Variants in MACROD2 observed in about 807,000 individuals in gnomAD.
MACROD2 encodes mono-ADP ribosylhydrolase 2.
Under a neutral mutation model 70.4 loss-of-function variants are expected in MACROD2, and 36 were observed. The ratio of observed to expected loss-of-function variants is 0.51; its 90% confidence interval spans 0.39 to 0.68. The LOEUF (loss-of-function observed/expected upper bound fraction) is 0.68, where lower values mean the gene tolerates loss of function less well. Ranked by LOEUF, MACROD2 falls within the 30% of genes least tolerant of loss-of-function variation. MACROD2 has a pLI of 0.00. For missense variants in MACROD2, 496 were observed against 538.4 expected (o/e 0.92, Z 0.78); for synonymous variants, 172 against 178.8 (o/e 0.96, Z 0.30).
At chr20:14,718,824 T>C in intron 5 of MACROD2, among the ~76,000 whole-genome samples, 1 of 152,238 alleles carries the variant, frequency 6.6e-6, no homozygotes, top group East Asian at 1.9e-4. Flanking sequence ...TAATGTAGTA[T>C]GTTTCTTTTA....
At chr20:14,965,080 G>A (rs1322118389) in intron 5 of MACROD2, among the ~76,000 whole-genome samples, 1 of 152,140 alleles carries the variant, frequency 6.6e-6, no homozygotes, top group Non-Finnish European at 1.5e-5. Flanking sequence ...TGATGAACCT[G>A]TTTTCATGTG....
chr20:14,567,007 CTA>C (rs1449733616), intron 4 of MACROD2: 1 of 151,678 alleles, frequency 6.6e-6, no homozygotes, highest in Admixed American at 6.6e-5. Context: ...AGTGCAGTGA[CTA>C]TTTATAAGCA....
intron 8 of MACROD2, among the ~76,000 whole-genome samples, chr20:15,609,900 G>A (rs2048944007): frequency 6.6e-6 from 1 of 152,134 alleles, no homozygotes; most frequent in Non-Finnish European, 1.5e-5. Flanking sequence ...CAACTCACAG[G>A]CAGGAAGTCC....
At chr20:15,813,251 A>G (rs2063838707) in intron 8 of MACROD2, among the ~76,000 whole-genome samples, 1 of 152,206 alleles carries the variant, frequency 6.6e-6, no homozygotes, top group African/African-American at 2.4e-5. Context: ...CCATGACTTC[A>G]TCTGAAATTC....
chr20:15,403,430 G>GGAGGAGGAGGAC lies in MACROD2; in HGVS notation c.541-27963_541-27952dup, dbSNP rs1450307604. On this transcript the variant is annotated intron_variant, in intron 6 of 17. Coordinates refer to ENST00000684519, the MANE Select transcript of MACROD2 (RefSeq NM_001351661.2). Reference sequence around the variant, plus strand: ...AGAGAGAGAAAGAGAAGAAGAAGGAGGAGGAGGAGGACGAGGAGGAGGAGG... The same window carrying GGAGGAGGAGGAC: ...AGAGAGAGAAAGAGAAGAAGAAGGAGGAGGAGGAGGACGAGGAGGAGGACGAGGAGGAGGAGG... Among the ~76,000 whole-genome samples the GGAGGAGGAGGAC allele has an allele frequency of 4.3e-3, 590 of 136,378 alleles. 5 individuals carry two copies. The highest frequency in any genetic ancestry group is 0.015 in the African/African-American group (570 of 37,250). The allele number at this position is 136,378 out of a possible 152,430, so 89.5% of individuals were successfully genotyped here.
chr20:15,314,878 C>A (rs1438764098), intron 6 of MACROD2, among the ~76,000 whole-genome samples: 1 of 152,188 alleles, frequency 6.6e-6, no homozygotes, highest in Non-Finnish European at 1.5e-5. Context: ...ACACCCAGTG[C>A]AGGACACCTG....
Position 15,556,164 on chromosome 20 carries a change from G to A in MACROD2, c.645+56317G>A, listed in dbSNP as rs187951749. Reference sequence around the variant, plus strand: ...CTCTTTGAGGCATGTCACAAAAACAGCCATTCTGGGAACACTGTAAACAGT... The same window carrying A: ...CTCTTTGAGGCATGTCACAAAAACAACCATTCTGGGAACACTGTAAACAGT... On this transcript the variant is annotated intron_variant, in intron 8 of 17. Transcript: ENST00000684519. Among the ~76,000 whole-genome samples the A allele has an allele frequency of 2.2e-3, 332 of 152,292 alleles. 4 individuals carry two copies. The highest frequency in any genetic ancestry group is 7.5e-3 in the African/African-American group (313 of 41,564).
At chr20:15,314,309 G>C (rs6043201) in intron 6 of MACROD2, among the ~76,000 whole-genome samples, 3 of 152,034 alleles carry the variant, frequency 2.0e-5, no homozygotes, top group African/African-American at 7.2e-5. Context: ...AAAAATGAGC[G>C]GACAGGCACA....
chr20:14,258,528 T>C (rs530359376), intron 3 of MACROD2, among the ~76,000 whole-genome samples: 8 of 152,338 alleles, frequency 5.3e-5, no homozygotes, highest in African/African-American at 1.9e-4. Flanking sequence ...TTGAGAATTG[T>C]CTATTCATAT....
At chr20:14,149,956 T>C (rs929988727) in intron 3 of MACROD2, among the ~76,000 whole-genome samples, 3 of 152,168 alleles carry the variant, frequency 2.0e-5, no homozygotes, top group African/African-American at 7.2e-5. Flanking sequence ...TCTCCTTACA[T>C]TGTATTTCTG....
chr20:15,586,044 C>T, intron 8 of MACROD2, among the ~76,000 whole-genome samples: 1 of 152,156 alleles, frequency 6.6e-6, no homozygotes, highest in East Asian at 1.9e-4. Context: ...CTCCTAGCCA[C>T]CCTCCAGCTG....
At chr20:14,562,531 C>T (rs559420083) in intron 4 of MACROD2, among the ~76,000 whole-genome samples, 127 of 151,706 alleles carry the variant, frequency 8.4e-4, no homozygotes, top group Non-Finnish European at 1.7e-3. Flanking sequence ...GCACCCACAA[C>T]ACATTTGTCA....
intron 15 of MACROD2, among the ~76,000 whole-genome samples, chr20:15,996,235 G>T (rs747878594): frequency 6.6e-6 from 1 of 151,834 alleles, no homozygotes; most frequent in Non-Finnish European, 1.5e-5. Flanking sequence ...TTGTGATTTT[G>T]ATTTCCAATT....
intron 5 of MACROD2, among the ~76,000 whole-genome samples, chr20:14,939,700 A>T (rs1280470063): frequency 3.3e-5 from 5 of 152,046 alleles, no homozygotes; most frequent in Admixed American, 2.0e-4. Context: ...TTTTAGCTAT[A>T]TTAATTCTTC....
At chr20:14,957,721 G>GT (rs1202436404) in intron 5 of MACROD2, among the ~76,000 whole-genome samples, 3 of 152,136 alleles carry the variant, frequency 2.0e-5, no homozygotes, top group Admixed American at 1.3e-4. Flanking sequence ...CAGAACCAGT[G>GT]TGTAGCACTT....
intron 8 of MACROD2, among the ~76,000 whole-genome samples, chr20:15,854,301 G>T (rs778521112): frequency 6.6e-6 from 1 of 152,112 alleles, no homozygotes; most frequent in Non-Finnish European, 1.5e-5. Flanking sequence ...AAGAGCGCTC[G>T]TGTCCTGAAC....
chr20:15,650,485 A>G (rs1316378536), intron 8 of MACROD2, among the ~76,000 whole-genome samples: 2 of 152,308 alleles, frequency 1.3e-5, no homozygotes, highest in East Asian at 3.9e-4. Context: ...TGGCAAACAC[A>G]CATACAGCAA....
chr20:14,042,500 A>G (rs1003243754), intron 2 of MACROD2, among the ~76,000 whole-genome samples: 2 of 151,928 alleles, frequency 1.3e-5, no homozygotes, highest in African/African-American at 2.4e-5. Context: ...CTCCAATTCA[A>G]TTCTTTTCTT....
chr20:14,746,921 C>T (rs1165679504), intron 5 of MACROD2, among the ~76,000 whole-genome samples: 2 of 152,138 alleles, frequency 1.3e-5, no homozygotes, highest in East Asian at 3.9e-4. Flanking sequence ...AGTCCCTCAT[C>T]TTACAAACCA....
Sources: allele counts gnomAD v4.1 joint callset (sites outside exome capture counted in the v4.1 genomes callset), GRCh38; gene constraint gnomAD v4.1.1; transcripts MANE v1.5; gene names NCBI Gene and HGNC (gene_info 2026-07-23, HGNC 2026-07-21).